GALNT13: variants seen among roughly 807,000 people sequenced by gnomAD.
The protein encoded by GALNT13 is UDP-GalNAc:polypeptide N-acetylgalactosaminyltransferase 13.
GALNT13 carries 28 observed loss-of-function variants against 64.2 expected under a neutral mutation model. The ratio of observed to expected loss-of-function variants is 0.44; its 90% CI spans 0.32 to 0.60. The LOEUF (loss-of-function observed/expected upper bound fraction) is 0.60, where lower values mean the gene tolerates loss of function less well. GALNT13 is among the 20% of genes least tolerant of loss of function. GALNT13 has a pLI of 0.05. For synonymous variants in GALNT13, 214 were observed against 224.6 expected, an observed-to-expected ratio of 0.95 and a Z score of 0.42; for missense variants, 577 against 669.8, an observed-to-expected ratio of 0.86 and a Z score of 1.53.
chr2:154,271,413 A>G (rs1432783760), intron 8 of GALNT13, among the ~76,000 whole-genome samples: 2 of 151,990 alleles, frequency 1.3e-5, no homozygotes, highest in East Asian at 3.8e-4. Context: ...AGGATTTAGA[A>G]GATGGTAAAA....
intron 3 of GALNT13, among the ~76,000 whole-genome samples, chr2:154,059,411 A>G (rs1291825175): frequency 6.6e-6 from 1 of 152,234 alleles, no homozygotes; most frequent in African/African-American, 2.4e-5. Context: ...TCAAGTGATA[A>G]TAATTTACAA....
intron 4 of GALNT13, among the ~76,000 whole-genome samples, chr2:154,215,861 A>G (rs914124809): frequency 6.6e-6 from 1 of 152,116 alleles, no homozygotes; most frequent in Non-Finnish European, 1.5e-5. Context: ...GCAGGTTAGA[A>G]TATTTTGCTG....
intron 9 of GALNT13, among the ~76,000 whole-genome samples, chr2:154,330,514 T>G (rs1380761734): frequency 6.6e-6 from 1 of 152,082 alleles, no homozygotes; most frequent in Non-Finnish European, 1.5e-5. Context: ...ACAGCTGATT[T>G]CTCTTTTCTC....
chr2:153,742,793 T>C, the GALNT13 span, among the ~76,000 whole-genome samples: 1 of 152,116 alleles, frequency 6.6e-6, no homozygotes, highest in Non-Finnish European at 1.5e-5. Context: ...GGTACATATA[T>C]ACCACATTTT....
chr2:154,313,785 C>A (rs1445309694), intron 9 of GALNT13, among the ~76,000 whole-genome samples: 3 of 151,998 alleles, frequency 2.0e-5, no homozygotes, highest in African/African-American at 7.2e-5. Context: ...ATAAGTACTA[C>A]CTTCTAGGGT....
chr2:154,212,872 A>G lies in GALNT13; in HGVS notation c.312-29158A>G, dbSNP rs184402697. 4.7e-3 allele frequency among the ~76,000 whole-genome samples: 706 copies of G among 151,712 alleles called. 3 individuals are homozygous for G. The highest frequency in any genetic ancestry group is 7.0e-3 in the Non-Finnish European group (478 of 67,866). On this transcript the variant is annotated intron_variant, in intron 4 of 12. Transcript: ENST00000392825. ...GACTTGTGCATTTTTTTTCACTTTG[A>G]TACACACATTTTATTAATCTCAATG...
chr2:154,355,343 A>C (rs1281966921), intron 9 of GALNT13, among the ~76,000 whole-genome samples: 1 of 152,140 alleles, frequency 6.6e-6, no homozygotes. Flanking sequence ...TGATATTTGG[A>C]TATCTTTGAC....
At chr2:153,864,435 G>A in the GALNT13 span, among the ~76,000 whole-genome samples, 4 of 152,076 alleles carry the variant, frequency 2.6e-5, no homozygotes, top group South Asian at 6.2e-4. Context: ...ATTGTGAATG[G>A]GAGTTCACTC....
At chr2:153,516,146 T>C in the GALNT13 span, among the ~76,000 whole-genome samples, 38 of 152,230 alleles carry the variant, frequency 2.5e-4, no homozygotes, top group Non-Finnish European at 4.3e-4. Flanking sequence ...GCCACTTTGA[T>C]CTACCATTAT....
At chr2:154,126,416 A>G (rs1645286544) in intron 3 of GALNT13, among the ~76,000 whole-genome samples, 1 of 152,062 alleles carries the variant, frequency 6.6e-6, no homozygotes, top group Admixed American at 6.6e-5. Context: ...CGGGCAGATC[A>G]CGAGGTCAGG....
At chr2:153,076,901 TC>T in the GALNT13 span, among the ~76,000 whole-genome samples, 1 of 151,882 alleles carries the variant, frequency 6.6e-6, no homozygotes, top group Non-Finnish European at 1.5e-5. Flanking sequence ...TTCTGACTAA[TC>T]TTGCGTTTTT....
At chr2:154,090,346 G>A (rs896166947) in intron 3 of GALNT13, among the ~76,000 whole-genome samples, 4 of 151,998 alleles carry the variant, frequency 2.6e-5, no homozygotes, top group African/African-American at 7.2e-5. Flanking sequence ...ATGAAATGCA[G>A]ATATGAATTA....
At chr2:153,400,892 A>C in the GALNT13 span, among the ~76,000 whole-genome samples, 2 of 151,784 alleles carry the variant, frequency 1.3e-5, no homozygotes, top group Admixed American at 6.6e-5. Flanking sequence ...GGATTCATTA[A>C]TTTTTTGAAG....
At chr2:153,459,795 T>G in the GALNT13 span, among the ~76,000 whole-genome samples, 1 of 152,096 alleles carries the variant, frequency 6.6e-6, no homozygotes, top group African/African-American at 2.4e-5. Flanking sequence ...CAAATTAAAT[T>G]TCATTGACTT....
chr2:153,699,195 A>T, the GALNT13 span, among the ~76,000 whole-genome samples: 1 of 151,978 alleles, frequency 6.6e-6, no homozygotes, highest in Non-Finnish European at 1.5e-5. Context: ...TCACTCAAAA[A>T]TACACAACTA....
the GALNT13 span, among the ~76,000 whole-genome samples, chr2:153,497,008 A>AG: frequency 2.6e-5 from 4 of 151,002 alleles, no homozygotes; most frequent in African/African-American, 9.7e-5. Flanking sequence ...AAAAAAAAAA[A>AG]AAAAAGAAAA....
chr2:153,203,868 C>T, the GALNT13 span, among the ~76,000 whole-genome samples: 226 of 80,290 alleles, frequency 2.8e-3, no homozygotes, highest in African/African-American at 7.4e-3. Flanking sequence ...CAATATGTAG[C>T]GTGTCTACAC....
intron 9 of GALNT13, among the ~76,000 whole-genome samples, chr2:154,391,330 T>C (rs1698781756): frequency 6.6e-6 from 1 of 152,218 alleles, no homozygotes; most frequent in African/African-American, 2.4e-5. Flanking sequence ...GGAATTGAAA[T>C]AGAATGCTCT....
chr2:154,355,819 GT>G (rs893380041), intron 9 of GALNT13, among the ~76,000 whole-genome samples: 1 of 151,960 alleles, frequency 6.6e-6, no homozygotes, highest in Admixed American at 6.6e-5. Flanking sequence ...AGGTCGGATT[GT>G]TTTTGATAAT....
Sources: allele counts gnomAD v4.1 joint callset (sites outside exome capture counted in the v4.1 genomes callset), GRCh38; gene constraint gnomAD v4.1.1; transcripts MANE v1.5; gene names NCBI Gene and HGNC (gene_info 2026-07-23, HGNC 2026-07-21).